The following PTGER3 variants were observed in gnomAD, a reference collection of about 807,000 sequenced individuals.
PTGER3 encodes the protein prostaglandin E receptor 3.
PTGER3 carries 22 observed loss-of-function variants against 34.7 expected under a neutral mutation model. That is an observed-to-expected ratio of 0.63 (90% CI 0.45 to 0.91). The LOEUF (loss-of-function observed/expected upper bound fraction) is 0.91. Among genes scored for constraint, PTGER3 ranks in the 40% least tolerant of loss-of-function variants. The probability of loss-of-function intolerance (pLI) is 0.00; values close to 1 mark genes in which losing one functional copy is unlikely to be tolerated. For missense variants in PTGER3, 468 were observed against 519.4 expected (o/e 0.90, Z 0.96); for synonymous variants, 241 against 230.1 (o/e 1.05, Z -0.43).
intron 2 of PTGER3, chr1:70,998,191 G>T (rs186982479): frequency 6.6e-6 from 1 of 152,200 alleles, no homozygotes; most frequent in South Asian, 2.1e-4. Context: ...AATTTACAAA[G>T]ACAAATATTT....
chr1:70,991,522 C>T (rs1440525600), intron 2 of PTGER3, among the ~76,000 whole-genome samples: 2 of 152,130 alleles, frequency 1.3e-5, no homozygotes, highest in African/African-American at 4.8e-5. Flanking sequence ...CACAAGGAGA[C>T]CCTGACACCA....
At position 70,981,316 on chromosome 1, in the gene PTGER3, CTTTCTTCTTTCTTTCTTTCTTTCT is replaced by C. The variant is rs1362533698; in HGVS notation, c.1078-6952_1078-6929del. On this transcript the variant is annotated intron_variant, in intron 2 of 3. Transcript: ENST00000306666. ...TCTTCCTTCCTTCCTTCCTTCCTTC[CTTTCTTCTTTCTTTCTTTCTTTCT>C]TTCTTTCTTTCTTTCTTTCTTTCTT... Among the ~76,000 whole-genome samples, 54 of 60,676 alleles carry C rather than the reference CTTTCTTCTTTCTTTCTTTCTTTCT, an allele frequency of 8.9e-4. 1 individual carries two copies. The highest frequency in any genetic ancestry group is 3.4e-3 in the African/African-American group (53 of 15,366). 39.8% of individuals were successfully genotyped at this position (60,676 alleles called of 152,430 possible). A position where few individuals can be genotyped will look rare whatever the true frequency, so the allele number is the denominator to read the frequency against.
At chr1:71,003,883 G>T (rs746984939) in intron 2 of PTGER3, among the ~76,000 whole-genome samples, 1 of 152,156 alleles carries the variant, frequency 6.6e-6, no homozygotes, top group East Asian at 1.9e-4. Flanking sequence ...TGCCGAAGAG[G>T]TCTATAGATA....
chr1:70,862,719 G>A (rs35615554), intron 4 of PTGER3, among the ~76,000 whole-genome samples: 4,252 of 152,144 alleles, frequency 0.028, 283 homozygotes, highest in East Asian at 0.2. Context: ...GATGAATGGC[G>A]GAAGAGAAGA....
chr1:70,981,380 T>TTCCTTCC (rs1654324003), intron 2 of PTGER3, among the ~76,000 whole-genome samples: 1 of 66,728 alleles, frequency 1.5e-5, no homozygotes, highest in African/African-American at 6.8e-5. Context: ...TCTTTCTTTC[T>TTCCTTCC]TTCTTTCTTT....
intron 2 of PTGER3, among the ~76,000 whole-genome samples, chr1:70,981,857 TC>T (rs750156923): frequency 5.1e-4 from 77 of 152,268 alleles, no homozygotes; most frequent in Non-Finnish European, 8.4e-4. Context: ...GCTTTAGTGA[TC>T]CCTGGTACCC....
chr1:71,039,772 T>C (rs1456019325), intron 1 of PTGER3, among the ~76,000 whole-genome samples: 4 of 151,838 alleles, frequency 2.6e-5, no homozygotes. Flanking sequence ...GAACTATAAC[T>C]AATCAAGCTG....
intron 2 of PTGER3, among the ~76,000 whole-genome samples, chr1:71,000,981 TTGAG>T (rs1158191360): frequency 2.6e-5 from 4 of 152,180 alleles, no homozygotes; most frequent in South Asian, 2.1e-4. Flanking sequence ...ATAAAGTTGA[TTGAG>T]TGTGAGATAA....
At chr1:71,019,570 C>T (rs977767487) in intron 1 of PTGER3, among the ~76,000 whole-genome samples, 1 of 152,126 alleles carries the variant, frequency 6.6e-6, no homozygotes, top group African/African-American at 2.4e-5. Context: ...TACCTTGTTC[C>T]ATCCTAAAGG....
intron 3 of PTGER3, among the ~76,000 whole-genome samples, chr1:70,953,281 T>C (rs937685491): frequency 1.3e-5 from 2 of 152,140 alleles, no homozygotes; most frequent in African/African-American, 4.8e-5. Context: ...GATTTGAGCA[T>C]CCTGGGATTT....
downstream of PTGER3, among the ~76,000 whole-genome samples, chr1:70,969,695 A>G (rs1215600401): frequency 2.0e-5 from 3 of 152,186 alleles, no homozygotes; most frequent in Non-Finnish European, 4.4e-5. Context: ...ATGGACAAAA[A>G]TTATCGTGAG....
intron 4 of PTGER3, among the ~76,000 whole-genome samples, chr1:70,942,626 G>A (rs1454265185): frequency 6.6e-6 from 1 of 152,056 alleles, no homozygotes; most frequent in Non-Finnish European, 1.5e-5. Context: ...TCTTGTTTTG[G>A]GTGGATTGTG....
In PTGER3 at chr1:70,899,001, C is replaced by T. The variant is rs576767108; in HGVS notation, c.*24-46142G>A. ...CAATTGCCTGGTGTAATAATACTCA[C>T]CTACCTTAGCCTGATGCTTGAAGAA... is the stretch of plus-strand genomic sequence containing the variant. On this transcript the variant is annotated intron_variant, in intron 4 of 4. Coordinates refer to the PTGER3 transcript ENST00000370931. 1.4e-4 allele frequency among the ~76,000 whole-genome samples: 21 copies of T among 145,722 alleles called. No homozygotes were observed. The East Asian group carries it at 4.6e-3, about 32-fold the overall frequency.
intron 2 of PTGER3, among the ~76,000 whole-genome samples, chr1:70,954,503 T>C (rs895092652): frequency 1.3e-5 from 2 of 152,146 alleles, no homozygotes; most frequent in African/African-American, 4.8e-5. Context: ...TCTCCTCATA[T>C]TAATCCTCAC....
At chr1:70,925,194 G>A (rs1171550173) in intron 4 of PTGER3, among the ~76,000 whole-genome samples, 1 of 152,066 alleles carries the variant, frequency 6.6e-6, no homozygotes, top group Admixed American at 6.6e-5. Context: ...TAGTAGAGAT[G>A]GAGTTTCGCC....
chr1:71,024,332 G>A (rs2100915082), intron 1 of PTGER3, among the ~76,000 whole-genome samples: 1 of 152,154 alleles, frequency 6.6e-6, no homozygotes, highest in South Asian at 2.1e-4. Context: ...TATTTCTCTT[G>A]ACAAAAGCAA....
chr1:70,972,938 A>G (rs747656734), intron 3 of PTGER3, among the ~76,000 whole-genome samples: 9 of 152,112 alleles, frequency 5.9e-5, no homozygotes, highest in Non-Finnish European at 5.9e-5. Flanking sequence ...CAAAGTTTCC[A>G]TAGAGAACAG....
chr1:71,022,636 T>C (rs1658523834), intron 1 of PTGER3, among the ~76,000 whole-genome samples: 1 of 151,814 alleles, frequency 6.6e-6, no homozygotes, highest in South Asian at 2.1e-4. Flanking sequence ...TATGAGCAGA[T>C]TGAGGTGTCC....
In PTGER3 at chr1:70,917,441, G is replaced by GTGTGTGTGTGTGTGTA. The variant is rs376536515; in HGVS notation, c.*23+36321_*23+36322insTACACACACACACACA. Among the ~76,000 whole-genome samples, 82 of 137,436 alleles carry GTGTGTGTGTGTGTGTA rather than the reference G, an allele frequency of 6.0e-4. 1 individual carries two copies. The highest frequency in any genetic ancestry group is 2.5e-3 in the African/African-American group (80 of 32,174). The allele number at this position is 137,436 out of a possible 152,430, so 90.2% of individuals were successfully genotyped here. A position where few individuals can be genotyped will look rare whatever the true frequency, so the allele number is the denominator to read the frequency against. On this transcript the variant is annotated intron_variant, in intron 4 of 4. Coordinates refer to the PTGER3 transcript ENST00000370931. Reference sequence around the variant, plus strand: ...TGTGTGTGTGTGTGTGTGTGTGTGTGTATACAATCAATTCCATAGAATGGC... The same window carrying GTGTGTGTGTGTGTGTA: ...TGTGTGTGTGTGTGTGTGTGTGTGTGTGTGTGTGTGTGTGTATATACAATCAATTCCATAGAATGGC...
Sources: allele counts gnomAD v4.1 joint callset (sites outside exome capture counted in the v4.1 genomes callset), GRCh38; gene constraint gnomAD v4.1.1; transcripts MANE v1.5; gene names NCBI Gene and HGNC (gene_info 2026-07-23, HGNC 2026-07-21).